The following CD226 variants were observed in gnomAD, a reference collection of about 807,000 sequenced individuals.
CD226 encodes the protein CD226 molecule.
Under a neutral mutation model 34.9 loss-of-function variants are expected in CD226, and 24 were observed. The observed-to-expected ratio is 0.69, with a 90% CI of 0.50 to 0.97. CD226 has a LOEUF of 0.97. Among genes scored for constraint, CD226 ranks in the 50% least tolerant of loss-of-function variants. The pLI is 0.00. For synonymous variants in CD226, 148 were observed against 147.4 expected, an observed-to-expected ratio of 1.00 and a Z score of -0.03; for missense variants, 397 against 412.7, an observed-to-expected ratio of 0.96 and a Z score of 0.33.
chr18:69,946,640 A>G (rs1348798677), intron 2 of CD226, 94 bp downstream of exon 2: 5 of 830,946 alleles, frequency 6.0e-6, no homozygotes, highest in Middle Eastern at 2.8e-4. Context: ...CAGAAATACG[A>G]GAAGACATTC....
upstream of CD226, among the ~76,000 whole-genome samples, chr18:69,951,089 C>CCCA (rs2055850250): frequency 1.3e-5 from 2 of 151,602 alleles, no homozygotes; most frequent in Non-Finnish European, 2.9e-5. Context: ...ACTTCAGCCT[C>CCCA]CTGGGTAGCT....
upstream of CD226, among the ~76,000 whole-genome samples, chr18:69,961,372 C>T (rs537468578): frequency 2.5e-4 from 38 of 152,314 alleles, no homozygotes; most frequent in African/African-American, 8.9e-4. Context: ...TACTCTTTTA[C>T]ATTATTAAGC....
intron 2 of CD226, among the ~76,000 whole-genome samples, chr18:69,943,638 T>G (rs2055753133): frequency 6.6e-6 from 1 of 152,218 alleles, no homozygotes. Context: ...TCAAGGGCCC[T>G]GGTGGGTTCC....
At chr18:69,883,531 T>C (rs1984386248) in intron 3 of CD226, among the ~76,000 whole-genome samples, 1 of 152,238 alleles carries the variant, frequency 6.6e-6, no homozygotes, top group Middle Eastern at 3.2e-3. Flanking sequence ...AGGATGGTTA[T>C]ATCTATTGTC....
intron 2 of CD226, among the ~76,000 whole-genome samples, chr18:69,933,419 C>A (rs1484323199): frequency 6.6e-6 from 1 of 152,206 alleles, no homozygotes; most frequent in Non-Finnish European, 1.5e-5. Context: ...CCTCCCTCTT[C>A]CTGCCAGCCC....
chr18:69,891,558 C>T (rs188964104), intron 3 of CD226, among the ~76,000 whole-genome samples: 72 of 152,068 alleles, frequency 4.7e-4, no homozygotes, highest in East Asian at 1.2e-3. Context: ...CTCTGTTTGC[C>T]GATGACATAA....
chr18:69,913,549 C>G (rs1397069948), intron 2 of CD226, among the ~76,000 whole-genome samples: 2 of 152,078 alleles, frequency 1.3e-5, no homozygotes, highest in Non-Finnish European at 2.9e-5. Flanking sequence ...TACATGTGAA[C>G]ATTATTTAAA....
chr18:69,884,781 T>C (rs749230304), intron 3 of CD226, among the ~76,000 whole-genome samples: 8 of 152,224 alleles, frequency 5.3e-5, no homozygotes, highest in Non-Finnish European at 1.0e-4. Flanking sequence ...GGATGAAGCA[T>C]GTGTGACAAA....
chr18:69,952,620 A>G (rs1568211527), upstream of CD226, among the ~76,000 whole-genome samples: 1 of 152,198 alleles, frequency 6.6e-6, no homozygotes, highest in Non-Finnish European at 1.5e-5. Context: ...GGTTGACCTA[A>G]ATATAAGACC....
At chr18:69,872,198 C>T (rs1487786200) in intron 4 of CD226, among the ~76,000 whole-genome samples, 2 of 152,110 alleles carry the variant, frequency 1.3e-5, no homozygotes, top group East Asian at 3.9e-4. Context: ...AAAATATAGA[C>T]ATCAAAAGTG....
intron 2 of CD226, among the ~76,000 whole-genome samples, chr18:69,917,955 T>C (rs1287937877): frequency 1.3e-5 from 2 of 152,224 alleles, no homozygotes; most frequent in African/African-American, 4.8e-5. Context: ...CTCTAAAACC[T>C]TGAAAACAAG....
Position 69,864,082 on chromosome 18 carries a change from C to CTG in CD226, c.*230_*231dup, listed in dbSNP as rs1219767549. ...AAAGCTTAATCTCCCCTGGATCATT[C>CTG]TGTTATATGATACAGTAAGTTTTCT... On this transcript the variant is annotated 3_prime_UTR_variant, in exon 6 of 6. Transcript: ENST00000582621. 5 of 446,774 alleles carry CTG rather than the reference C, an allele frequency of 1.1e-5. No individual in the cohort carries two copies. Among genetic ancestry groups the CTG allele is most frequent in the South Asian group, 2.9e-5 (1 of 34,002 alleles). 27.7% of individuals were successfully genotyped at this position (446,774 alleles called of 1,614,324 possible).
Position 69,873,184 on chromosome 18 carries a change from C to A in CD226, c.790G>T (p.Val264Phe). Residue 264 changes from valine (V) to phenylalanine (F), a missense_variant, in exon 4 of 6, where the codon GTT becomes TTT. Val to Phe is a conservative substitution (Grantham distance 50). Coordinates refer to ENST00000582621, the MANE Select transcript of CD226 (RefSeq NM_001303618.2). ...ACAATGATGGTGGTAATTGAGATAA[C>A]AAACAACAACAATAAAACTGTCCCT... ...AGGTVLLLLF[V>F]ISITTIIVIF... 1 of 1,610,636 alleles carries A rather than the reference C, an allele frequency of 6.2e-7. No homozygotes were observed. Among genetic ancestry groups the A allele is most frequent in the Non-Finnish European group, 8.5e-7 (1 of 1,177,146 alleles).
Position 69,947,438 on chromosome 18 carries a change from TA to T in CD226, c.-33del, listed in dbSNP as rs3214811. 14,268 of 1,067,978 alleles carry T rather than the reference TA, an allele frequency of 0.013. 95 individuals carry two copies. Among genetic ancestry groups the T allele is most frequent in the Middle Eastern group, 0.034 (151 of 4,396 alleles). The allele number at this position is 1,067,978 out of a possible 1,614,324, so 66.2% of individuals were successfully genotyped here. ...AAACTGTTTGAAAGGCTGGTTCTAT[TA>T]AAAAAAAAAATTGCTTTTTATAATG... On this transcript the variant is annotated 5_prime_UTR_variant, in exon 1 of 6. It introduces an in-frame stop codon into an upstream open reading frame of the 5' UTR. Coordinates refer to ENST00000582621, the MANE Select transcript of CD226 (RefSeq NM_001303618.2).
chr18:69,859,417 A>C lies in CD226; in HGVS notation c.*4897T>G, dbSNP rs1022765019. The C allele has an allele frequency of 1.5e-4, 23 of 152,298 alleles. No individual in the cohort carries two copies. Among genetic ancestry groups the C allele is most frequent in the African/African-American group, 5.5e-4 (23 of 41,566 alleles). 9.4% of individuals were successfully genotyped at this position (152,298 alleles called of 1,614,324 possible). ...AAAATCATTTTTACCATGTAGTTTA[A>C]CTAAGAGTACTGGCAAGGTCATAAG... On this transcript the variant is annotated 3_prime_UTR_variant, in exon 6 of 6. Coordinates refer to ENST00000582621, the MANE Select transcript of CD226 (RefSeq NM_001303618.2).
chr18:69,868,416 G>A (rs1256902739), intron 4 of CD226, among the ~76,000 whole-genome samples: 1 of 152,078 alleles, frequency 6.6e-6, no homozygotes, highest in Non-Finnish European at 1.5e-5. Context: ...TGCAGGAAAT[G>A]GATATTGACT....
intron 3 of CD226, among the ~76,000 whole-genome samples, chr18:69,874,172 T>C (rs1008132622): frequency 2.6e-5 from 4 of 152,204 alleles, no homozygotes; most frequent in Non-Finnish European, 4.4e-5. Flanking sequence ...TGTCAACTGA[T>C]GGCAATGGCA....
chr18:69,926,688 G>T (rs537314761), intron 2 of CD226, among the ~76,000 whole-genome samples: 5 of 152,232 alleles, frequency 3.3e-5, no homozygotes, highest in African/African-American at 1.2e-4. Flanking sequence ...ATCATGTGCT[G>T]GGCAACTTCC....
At chr18:69,926,972 A>G (rs1471263019) in intron 2 of CD226, among the ~76,000 whole-genome samples, 1 of 151,790 alleles carries the variant, frequency 6.6e-6, no homozygotes, top group Admixed American at 6.5e-5. Flanking sequence ...TTAACAATGA[A>G]ATTTCCCTTG....
Sources: gnomAD v4.1 joint callset for allele counts (sites outside exome capture counted in the v4.1 genomes callset) on GRCh38, gnomAD v4.1.1 for gene constraint, MANE v1.5 for transcripts, NCBI Gene and HGNC (gene_info 2026-07-23, HGNC 2026-07-21) for gene names.